The following EDA variants were observed in gnomAD, a reference collection of about 807,000 sequenced individuals.
EDA encodes ectodysplasin A.
A neutral mutation model predicts 23.6 loss-of-function variants in EDA; 2 were observed. That is an observed-to-expected ratio of 0.08 (90% confidence interval 0.03 to 0.27). EDA has a LOEUF of 0.27. EDA is among the 10% of genes least tolerant of loss of function. The probability of loss-of-function intolerance (pLI) is 1.00; values close to 1 mark genes in which losing one functional copy is unlikely to be tolerated. For synonymous variants in EDA, 131 were observed against 132.0 expected (o/e 0.99, Z 0.05); for missense variants, 229 against 324.2 (o/e 0.71, Z 2.26).
intron 1 of EDA, among the ~76,000 whole-genome samples, chrX:69,713,699 T>TA (rs1373878310): frequency 8.9e-6 from 1 of 112,153 alleles, no homozygotes; most frequent in Non-Finnish European, 1.9e-5. Flanking sequence ...TATTAATAGT[T>TA]TGTTCCTTTT....
At chrX:69,635,566 C>CT (rs138087284) in intron 1 of EDA, among the ~76,000 whole-genome samples, 3 of 63,460 alleles carry the variant, frequency 4.7e-5, no homozygotes, top group African/African-American at 1.5e-4. Flanking sequence ...AACACCAAAT[C>CT]TTTTTTTTTT....
intron 1 of EDA, among the ~76,000 whole-genome samples, chrX:69,943,603 G>A (rs937092729): frequency 2.7e-5 from 3 of 111,378 alleles, no homozygotes; most frequent in African/African-American, 9.8e-5. Context: ...CCACCACCTG[G>A]ACTGTGCTGG....
intron 1 of EDA, among the ~76,000 whole-genome samples, chrX:69,809,618 T>C (rs749230205): frequency 1.8e-5 from 2 of 111,767 alleles, no homozygotes; most frequent in South Asian, 7.5e-4. Context: ...TCCTCTATTT[T>C]ATATTTGGCA....
At chrX:69,769,703 G>T (rs1602386673) in intron 1 of EDA, among the ~76,000 whole-genome samples, 2 of 110,882 alleles carry the variant, frequency 1.8e-5, no homozygotes, top group Middle Eastern at 9.3e-3. Flanking sequence ...TTGCTTTAGG[G>T]TTTATAGCAC....
chrX:69,976,861 C>T (rs769945182), intron 2 of EDA, among the ~76,000 whole-genome samples: 1 of 110,557 alleles, frequency 9.0e-6, no homozygotes, highest in East Asian at 2.8e-4. Flanking sequence ...CTATAAAAAT[C>T]ATTAATATAG....
rs770178310 is a variant in EDA, at chrX:69,981,202, T to G, written c.502+24070T>G. On this transcript the variant is annotated intron_variant, in intron 2 of 7. Transcript: ENST00000374552. Reference sequence around the variant, plus strand: ...TTACCGCTAGATCCTTTTATGTCAGTAGGATAGGACCTTGGACATTATTGC... The same window carrying G: ...TTACCGCTAGATCCTTTTATGTCAGGAGGATAGGACCTTGGACATTATTGC... Among the ~76,000 whole-genome samples the G allele has an allele frequency of 1.3e-4, 15 of 111,713 alleles. No individual in the cohort carries two copies. In the East Asian group the frequency reaches 3.9e-3, roughly 29 times the overall value.
intron 1 of EDA, among the ~76,000 whole-genome samples, chrX:69,849,480 G>A (rs759132558): frequency 2.7e-5 from 3 of 111,621 alleles, no homozygotes; most frequent in East Asian, 2.8e-4. Flanking sequence ...TCTAAGTTTC[G>A]TATACTAACC....
At chrX:69,617,733 G>A (rs1468674861) in intron 1 of EDA, 1 of 355,017 alleles carries the variant, frequency 2.8e-6, no homozygotes, top group African/African-American at 2.6e-5. Context: ...ACCTCTTAGG[G>A]AAGAGAGCAA....
chrX:69,637,657 C>T (rs781200058), intron 1 of EDA, among the ~76,000 whole-genome samples: 1 of 111,466 alleles, frequency 9.0e-6, no homozygotes, highest in East Asian at 2.8e-4. Context: ...TACTACAAGT[C>T]TCCCACTAGT....
intron 1 of EDA, among the ~76,000 whole-genome samples, chrX:69,752,511 T>C (rs1416741713): frequency 1.8e-5 from 2 of 112,099 alleles, no homozygotes; most frequent in African/African-American, 3.2e-5. Flanking sequence ...GCATCGATGT[T>C]CATCAGGGAT....
intron 1 of EDA, among the ~76,000 whole-genome samples, chrX:69,711,774 T>C (rs2012054138): frequency 8.9e-6 from 1 of 111,979 alleles, no homozygotes; most frequent in Admixed American, 9.5e-5. Flanking sequence ...TTCTAGTTTA[T>C]TTGCGTAGAG....
chrX:69,847,912 G>A (rs1055200617), intron 1 of EDA, among the ~76,000 whole-genome samples: 1 of 111,862 alleles, frequency 8.9e-6, no homozygotes, highest in Non-Finnish European at 1.9e-5. Context: ...AAATGAAACT[G>A]TCAAACTGTT....
intron 1 of EDA, among the ~76,000 whole-genome samples, chrX:69,744,967 C>T (rs906463520): frequency 7.2e-5 from 8 of 111,714 alleles, no homozygotes; most frequent in African/African-American, 2.6e-4. Flanking sequence ...GTCCAGGTAG[C>T]ATCATATCTG....
intron 1 of EDA, among the ~76,000 whole-genome samples, chrX:69,856,228 C>T (rs1344019266): frequency 1.0e-5 from 1 of 96,629 alleles, no homozygotes; most frequent in Non-Finnish European, 2.1e-5. Flanking sequence ...TATTTCATTC[C>T]TTTTTATGGC....
intron 2 of EDA, among the ~76,000 whole-genome samples, chrX:70,007,844 A>G (rs1283501778): frequency 8.9e-6 from 1 of 111,732 alleles, no homozygotes; most frequent in East Asian, 2.8e-4. Context: ...ATTTTGTTAG[A>G]TTTATACCTA....
In EDA at chrX:69,616,587, C is replaced by T. The variant is rs1221919596; in HGVS notation, c.279C>T (p.Leu93=). ...GCACCTCTGGCACCCTAAGCAGCCT[C>T]GGTGGCCTCGACCCTGACAGCCCCA... ...TPGTSGTLSS[L]GGLDPDSPIT... Residue 93 remains leucine, a synonymous_variant, in exon 1 of 8, where the codon CTC becomes CTT. Coordinates refer to ENST00000374552, the MANE Select transcript of EDA (RefSeq NM_001399.5). 1 of 1,211,701 alleles carries T rather than the reference C, an allele frequency of 8.3e-7. No homozygotes were observed. Among genetic ancestry groups the T allele is most frequent in the Non-Finnish European group, 1.1e-6 (1 of 895,369 alleles).
chrX:69,984,034 G>A (rs1347356479), intron 2 of EDA, among the ~76,000 whole-genome samples: 1 of 93,476 alleles, frequency 1.1e-5, no homozygotes, highest in African/African-American at 4.1e-5. Context: ...GGTACATAAC[G>A]AAATGAAGGC....
rs755668391 is a variant in EDA, at chrX:69,783,146, A to G, written c.396+166442A>G. Among the ~76,000 whole-genome samples the G allele has an allele frequency of 6.5e-4, 73 of 111,740 alleles. 1 individual carries two copies. The highest frequency in any genetic ancestry group is 1.5e-3 in the South Asian group (4 of 2,648). ...ATAGTGGGCCAAGGGTAGATATGCT[A>G]TTGTCATTGGAGTTAAAAGTTTAAT... is the stretch of plus-strand genomic sequence containing the variant. On this transcript the variant is annotated intron_variant, in intron 1 of 7. Coordinates refer to ENST00000374552, the MANE Select transcript of EDA (RefSeq NM_001399.5).
rs1295128948 is a variant in EDA at position 69,775,695 on chromosome X, TAA to T, written c.396+158993_396+158994del. Among the ~76,000 whole-genome samples the T allele has an allele frequency of 1.9e-4, 21 of 112,063 alleles. 1 individual carries two copies. The highest frequency in any genetic ancestry group is 6.8e-4 in the African/African-American group (21 of 30,953). On this transcript the variant is annotated intron_variant, in intron 1 of 7. Coordinates refer to ENST00000374552, the MANE Select transcript of EDA (RefSeq NM_001399.5). ...TAAGTCCAATTTTTATCATTTGTTG[TAA>T]AGTTATAAAATTTAAATGAGATTAA...
Sources: gnomAD v4.1 joint callset for allele counts (sites outside exome capture counted in the v4.1 genomes callset) on GRCh38, gnomAD v4.1.1 for gene constraint, MANE v1.5 for transcripts, NCBI Gene and HGNC (gene_info 2026-07-23, HGNC 2026-07-21) for gene names.